UNC13B: variants seen among roughly 807,000 people sequenced by gnomAD.
UNC13B encodes the protein protein unc-13 homolog B.
Under a neutral mutation model 211.0 loss-of-function variants are expected in UNC13B, and 144 were observed. That is an observed-to-expected ratio of 0.68 (90% CI 0.60 to 0.78). UNC13B has a LOEUF of 0.78. Ranked by LOEUF, UNC13B falls within the 30% of genes least tolerant of loss-of-function variation. The pLI, the probability that UNC13B is intolerant of heterozygous loss-of-function variation, is 0.00. For synonymous variants in UNC13B, 709 were observed against 725.8 expected (o/e 0.98, Z 0.37); for missense variants, 1,777 against 2,002.0 (o/e 0.89, Z 2.14).
chr9:35,380,121 T>C (rs1834721022), intron 17 of UNC13B, among the ~76,000 whole-genome samples: 1 of 152,156 alleles, frequency 6.6e-6, no homozygotes, highest in South Asian at 2.1e-4. Flanking sequence ...TAGCAGTTGC[T>C]TCCTGGAGCT....
chr9:35,181,129 A>G (rs930521886), intron 1 of UNC13B, among the ~76,000 whole-genome samples: 1 of 152,012 alleles, frequency 6.6e-6, no homozygotes, highest in Non-Finnish European at 1.5e-5. Flanking sequence ...AAACAAAACA[A>G]TGGCATTTCT....
At chr9:35,342,460 C>T (rs1340485481) in intron 11 of UNC13B, 4 of 698,360 alleles carry the variant, frequency 5.7e-6, no homozygotes, top group Non-Finnish European at 7.0e-6. Flanking sequence ...AGTCAACTTG[C>T]TGGTGAGGGG....
chr9:35,358,398 G>A (rs1437154906), intron 11 of UNC13B, among the ~76,000 whole-genome samples: 2 of 152,106 alleles, frequency 1.3e-5, no homozygotes, highest in Admixed American at 6.6e-5. Context: ...TGGCTGCACC[G>A]TTTTACGTTC....
intron 11 of UNC13B, among the ~76,000 whole-genome samples, chr9:35,335,134 G>C (rs1831581296): frequency 6.6e-6 from 1 of 152,218 alleles, no homozygotes; most frequent in Admixed American, 6.5e-5. Flanking sequence ...GAAAATAGTT[G>C]CCACAGGACT....
At chr9:35,228,133 T>G in intron 2 of UNC13B, 89 bp downstream of exon 2, 2 of 1,171,190 alleles carry the variant, frequency 1.7e-6, no homozygotes, top group Non-Finnish European at 2.4e-6. Flanking sequence ...ATTGATCAAA[T>G]TCAGTAATTT....
chr9:35,175,055 T>C (rs1821549775), intron 1 of UNC13B, among the ~76,000 whole-genome samples: 2 of 152,248 alleles, frequency 1.3e-5, no homozygotes, highest in Admixed American at 6.5e-5. Flanking sequence ...TGCTTCAGCC[T>C]CCCAAAGTGC....
chr9:35,166,333 A>G (rs1458175156), intron 1 of UNC13B, among the ~76,000 whole-genome samples: 1 of 152,160 alleles, frequency 6.6e-6, no homozygotes, highest in African/African-American at 2.4e-5. Flanking sequence ...GTGAGCCAAG[A>G]TCATGCCACT....
chr9:35,231,702 C>G (rs1481123896), intron 3 of UNC13B, among the ~76,000 whole-genome samples: 7 of 151,830 alleles, frequency 4.6e-5, no homozygotes, highest in African/African-American at 1.7e-4. Flanking sequence ...AATCCTTTTG[C>G]TTTATGGAGT....
intron 28 of UNC13B, 55 bp from the exon 29 acceptor site, chr9:35,397,112 A>G (rs926653175): frequency 3.1e-5 from 50 of 1,608,858 alleles, no homozygotes; most frequent in Non-Finnish European, 4.2e-5. Flanking sequence ...AAACTCTACA[A>G]GCTTGGGAAA....
At chr9:35,379,309 A>T (rs562314176) in intron 17 of UNC13B, among the ~76,000 whole-genome samples, 145 of 152,290 alleles carry the variant, frequency 9.5e-4, no homozygotes, top group African/African-American at 3.4e-3. Context: ...TAAGCCAGGC[A>T]TGGTGGCAGG....
intron 11 of UNC13B, among the ~76,000 whole-genome samples, chr9:35,326,683 C>T (rs1447539664): frequency 6.6e-6 from 1 of 151,978 alleles, no homozygotes; most frequent in East Asian, 1.9e-4. Context: ...ACCACTGTGC[C>T]CAGCCAATGT....
chr9:35,395,564 G>C (rs901743349), intron 26 of UNC13B, among the ~76,000 whole-genome samples: 2 of 152,208 alleles, frequency 1.3e-5, no homozygotes, highest in African/African-American at 4.8e-5. Flanking sequence ...CTGCTGCTTA[G>C]TCCTCTCCCA....
At chr9:35,402,621 G>A (rs540702213) in intron 37 of UNC13B, among the ~76,000 whole-genome samples, 1 of 152,176 alleles carries the variant, frequency 6.6e-6, no homozygotes, top group African/African-American at 2.4e-5. Context: ...CTGCTAAGGG[G>A]AGCCTGTAGA....
In UNC13B at chr9:35,175,886, C is replaced by T. The variant is rs180701252; in HGVS notation, c.22+13581C>T. The stretch of plus-strand genomic sequence containing the variant: ...ATATAAAAAAAAAAAATTAGCCAGA[C>T]ATTGTGCTGCATGCCTATAATCCCA... On this transcript the variant is annotated intron_variant, in intron 1 of 39. Coordinates refer to ENST00000635942, the MANE Select transcript of UNC13B (RefSeq NM_001371189.2). Among the ~76,000 whole-genome samples the T allele has an allele frequency of 3.4e-3, 505 of 150,212 alleles. 3 individuals are homozygous for T. The highest frequency in any genetic ancestry group is 0.012 in the African/African-American group (496 of 40,880).
Position 35,310,718 on chromosome 9 carries a change from C to T in UNC13B, c.9260C>T (p.Ala3087Val), listed in dbSNP as rs1260720464. 3 of 1,613,868 alleles carry T rather than the reference C, an allele frequency of 1.9e-6. No homozygotes were observed. Among genetic ancestry groups the T allele is most frequent in the African/African-American group, 1.3e-5 (1 of 74,880 alleles). The change falls in exon 10 of 40, where the codon GCC becomes GTC. Residue 3087 changes from alanine (A) to valine (V), a missense_variant. Transcript: ENST00000635942. ...GAACCCAAGGAGATGAAAGAAGATG[C>T]CACAACCCACCCTCCCCCAGATCTG... ...ACEPKEMKED[A>V]TTHPPPDLVL...
chr9:35,307,254 A>G lies in UNC13B; in HGVS notation c.7850A>G (p.Asp2617Gly), dbSNP rs1020750445. Residue 2617 changes from aspartate (D) to glycine (G), a missense_variant, in exon 9 of 40, where the codon GAT becomes GGT. Coordinates refer to ENST00000635942, the MANE Select transcript of UNC13B (RefSeq NM_001371189.2). Reference sequence around the variant, plus strand: ...ATTAATACATCTTCTTTCTCGGGTGATGATACTGGGCAAGGAGTATTGTCT... The same window carrying G: ...ATTAATACATCTTCTTTCTCGGGTGGTGATACTGGGCAAGGAGTATTGTCT... ...ETINTSSFSG[D>G]DTGQGVLSLS... The G allele has an allele frequency of 5.0e-6, 2 of 398,884 alleles. No homozygotes were observed. The highest frequency in any genetic ancestry group is 8.8e-6 in the Non-Finnish European group (2 of 226,078). The allele number at this position is 398,884 out of a possible 1,614,324, so 24.7% of individuals were successfully genotyped here. A position where few individuals can be genotyped will look rare whatever the true frequency, so the allele number is the denominator to read the frequency against.
chr9:35,225,887 G>A (rs924427276), intron 1 of UNC13B, among the ~76,000 whole-genome samples: 4 of 152,128 alleles, frequency 2.6e-5, no homozygotes, highest in African/African-American at 7.2e-5. Context: ...CCGCGGTGAC[G>A]TGTGAGGAGT....
intron 11 of UNC13B, among the ~76,000 whole-genome samples, chr9:35,335,128 A>G (rs1039068760): frequency 9.2e-5 from 14 of 152,250 alleles, no homozygotes; most frequent in Non-Finnish European, 5.9e-5. Flanking sequence ...TTAACTGAAA[A>G]TAGTTGCCAC....
chr9:35,330,356 C>G (rs995118999), intron 11 of UNC13B, among the ~76,000 whole-genome samples: 2 of 152,238 alleles, frequency 1.3e-5, no homozygotes, highest in African/African-American at 4.8e-5. Flanking sequence ...CTGACCATGG[C>G]TGGAACCTTT....
Sources: gnomAD v4.1 joint callset for allele counts (sites outside exome capture counted in the v4.1 genomes callset) on GRCh38, gnomAD v4.1.1 for gene constraint, MANE v1.5 for transcripts, NCBI Gene and HGNC (gene_info 2026-07-23, HGNC 2026-07-21) for gene names.